Variants in DOK4 observed in about 807,000 individuals in gnomAD.
DOK4 encodes the protein docking protein 4.
Under a neutral mutation model 40.1 loss-of-function variants are expected in DOK4, and 26 were observed. The observed-to-expected ratio is 0.65, with a 90% confidence interval of 0.48 to 0.90. The LOEUF (loss-of-function observed/expected upper bound fraction) is 0.90, where lower values mean the gene tolerates loss of function less well. Ranked by LOEUF, DOK4 falls within the 40% of genes least tolerant of loss-of-function variation. The pLI is 0.00. For missense variants in DOK4, 392 were observed against 437.2 expected, an observed-to-expected ratio of 0.90 and a Z score of 0.92; for synonymous variants, 179 against 177.0, an observed-to-expected ratio of 1.01 and a Z score of -0.09.
At chr16:57,482,467 C>T (rs1294082786) in intron 1 of DOK4, among the ~76,000 whole-genome samples, 2 of 147,952 alleles carry the variant, frequency 1.4e-5, no homozygotes, top group African/African-American at 2.5e-5. Context: ...CCCGGGTTCA[C>T]GCCATTCTCC....
intron 2 of DOK4, 110 bp from the exon 3 acceptor site, chr16:57,476,067 C>T: frequency 1.1e-6 from 1 of 907,862 alleles, no homozygotes; most frequent in Non-Finnish European, 1.7e-6. Context: ...CACAGCCTTC[C>T]CTGGAGCCCC....
Position 57,485,328 on chromosome 16 carries a change from A to G in DOK4, c.-182+977T>C, listed in dbSNP as rs1486573811. ...GCCCTGCTGCCCTGCCCAGGAGGGA[A>G]GTGCTGGGAGTAACCAGTACCAGCA... On this transcript the variant is annotated intron_variant, in intron 1 of 8. Transcript: ENST00000340099. The surrounding 1 kb of genome is among the most constrained non-coding windows in gnomAD (Gnocchi z 4.3). Among the ~76,000 whole-genome samples, 1 of 152,136 alleles carries G rather than the reference A, an allele frequency of 6.6e-6. No homozygotes were observed. Among genetic ancestry groups the G allele is most frequent in the Admixed American group, 6.5e-5 (1 of 15,278 alleles).
At chr16:57,477,498 G>T (rs1169443851) in intron 2 of DOK4, among the ~76,000 whole-genome samples, 1 of 152,238 alleles carries the variant, frequency 6.6e-6, no homozygotes. Flanking sequence ...ATGGATGAAT[G>T]GATGGATGCT....
chr16:57,477,102 G>T (rs1471293341), intron 2 of DOK4, among the ~76,000 whole-genome samples: 1 of 152,230 alleles, frequency 6.6e-6, no homozygotes, highest in African/African-American at 2.4e-5. Context: ...AGTGGTGGCC[G>T]AGAGCACAGC....
chr16:57,479,615 G>A lies in DOK4; in HGVS notation c.-108C>T. On this transcript the variant is annotated 5_prime_UTR_variant, in exon 2 of 9. Coordinates refer to ENST00000340099, the Ensembl canonical transcript of DOK4. This position sits in a 1 kb window ranked among gnomAD's most constrained non-coding sequence, Gnocchi z 5.8. ...ATCACCTGTTCCAGACACTCTGTCGGGGCTGCCGCGAGGGGCTGCTCCTCA... is the reference window on the plus strand; with the variant it reads ...ATCACCTGTTCCAGACACTCTGTCGAGGCTGCCGCGAGGGGCTGCTCCTCA... The A allele has an allele frequency of 7.9e-7, 1 of 1,264,630 alleles. No homozygotes were observed. Among genetic ancestry groups the A allele is most frequent in the Non-Finnish European group, 1.1e-6 (1 of 883,826 alleles). 78.3% of individuals were successfully genotyped at this position (1,264,630 alleles called of 1,614,324 possible). A position where few individuals can be genotyped will look rare whatever the true frequency, so the allele number is the denominator to read the frequency against.
Position 57,485,409 on chromosome 16 carries a change from G to C in DOK4, c.-182+896C>G, listed in dbSNP as rs1409823007. 4.6e-5 allele frequency among the ~76,000 whole-genome samples: 7 copies of C among 152,188 alleles called. No individual in the cohort carries two copies. The highest frequency in any genetic ancestry group is 1.0e-4 in the Non-Finnish European group (7 of 68,030). ...ACAGCTCCTGGGATCAGAGTTGGGGGTGGGGGCAGGAAGAGCCTGTACCAG... is the reference window on the plus strand; with the variant it reads ...ACAGCTCCTGGGATCAGAGTTGGGGCTGGGGGCAGGAAGAGCCTGTACCAG... On this transcript the variant is annotated intron_variant, in intron 1 of 8. Coordinates refer to ENST00000340099, the Ensembl canonical transcript of DOK4. The surrounding 1 kb of genome is among the most constrained non-coding windows in gnomAD (Gnocchi z 4.3).
At chr16:57,481,077 G>A (rs368619783) in intron 1 of DOK4, among the ~76,000 whole-genome samples, 19 of 152,290 alleles carry the variant, frequency 1.2e-4, no homozygotes, top group African/African-American at 4.3e-4. Context: ...CATTTCTGGG[G>A]TCAGCTGGGT....
chr16:57,477,750 C>T (rs74019523), intron 2 of DOK4, among the ~76,000 whole-genome samples: 9,515 of 152,332 alleles, frequency 0.062, 330 homozygotes, highest in African/African-American at 0.092. Flanking sequence ...GAGCCGGCTC[C>T]TGATCTCTTT....
intron 2 of DOK4, chr16:57,478,478 A>C (rs1567590244): frequency 6.6e-6 from 1 of 151,786 alleles, no homozygotes; most frequent in Non-Finnish European, 1.5e-5. Context: ...TGGGTCAAAC[A>C]CAAGACTTGG....
intron 2 of DOK4, chr16:57,476,211 C>T (rs2031176328): frequency 1.9e-6 from 1 of 519,750 alleles, no homozygotes; most frequent in Non-Finnish European, 3.5e-6. Flanking sequence ...GCTCTCCTGA[C>T]CTGCCATGTA....
chr16:57,477,711 C>T (rs1204900973), intron 2 of DOK4, among the ~76,000 whole-genome samples: 1 of 152,212 alleles, frequency 6.6e-6, no homozygotes, highest in African/African-American at 2.4e-5. Flanking sequence ...CACAGCTCTG[C>T]CGCGGGAGAA....
intron 7 of DOK4, 45 bp downstream of exon 7, chr16:57,473,856 G>GT: frequency 1.9e-6 from 3 of 1,569,206 alleles, no homozygotes; most frequent in Admixed American, 3.5e-5. Context: ...CTGCCCGCCC[G>GT]TTCCCCCCTC....
exon 5 of DOK4, chr16:57,475,126 G>A: frequency 1.2e-6 from 2 of 1,613,950 alleles, no homozygotes; most frequent in Non-Finnish European, 1.7e-6. Context: ...CACCCCTGGG[G>A]CCAGGAGGTC....
exon 3 of DOK4, chr16:57,475,936 C>G (rs1271465240): frequency 6.2e-7 from 1 of 1,613,426 alleles, no homozygotes; most frequent in Non-Finnish European, 8.5e-7. Flanking sequence ...TTCCGGAACA[C>G]CAGCCAGCAC....
rs368988354 is a variant in DOK4, at chr16:57,484,918, G to A, written c.-182+1387C>T. 5.3e-5 allele frequency among the ~76,000 whole-genome samples: 8 copies of A among 152,278 alleles called. No homozygotes were observed. The South Asian group carries it at 1.2e-3, about 24-fold the overall frequency. On this transcript the variant is annotated intron_variant, in intron 1 of 8. Transcript: ENST00000340099. ...TGGAATGTCAGCTCCCTGGTGGCTC[G>A]GCCTCGTCTGTCTAGTTAACAGCTC... is the stretch of plus-strand genomic sequence containing the variant.
intron 6 of DOK4, 146 bp from the exon 7 acceptor site, chr16:57,474,185 G>A (rs565595021): frequency 1.9e-5 from 19 of 1,021,832 alleles, no homozygotes; most frequent in African/African-American, 1.1e-4. Context: ...CCGACCACAC[G>A]GTGCAAATGT....
At chr16:57,477,819 A>G (rs523916) in intron 2 of DOK4, among the ~76,000 whole-genome samples, 94,264 of 152,074 alleles carry the variant, frequency 0.62, 29,329 homozygotes, top group African/African-American at 0.65. Context: ...GGGAGGGACC[A>G]CAGCCTCTCA....
exon 6 of DOK4, chr16:57,474,847 C>T (rs1373803202): frequency 6.2e-7 from 1 of 1,614,182 alleles, no homozygotes; most frequent in Non-Finnish European, 8.5e-7. Context: ...GCGCAGTGAG[C>T]AGAGGGGCCA....
chr16:57,475,601 A>T, exon 4 of DOK4: 1 of 1,600,614 alleles, frequency 6.2e-7, no homozygotes, highest in Non-Finnish European at 8.5e-7. Flanking sequence ...AACACACTTG[A>T]CGTTGCTGAT....
Sources: allele counts gnomAD v4.1 joint callset (sites outside exome capture counted in the v4.1 genomes callset), GRCh38; gene constraint gnomAD v4.1.1; non-coding constraint Gnocchi (gnomAD v3.1); transcripts MANE v1.5; gene names NCBI Gene and HGNC (gene_info 2026-07-23, HGNC 2026-07-21).